The following ENOX2 variants were observed in gnomAD, a reference collection of about 807,000 sequenced individuals.
ENOX2 encodes the protein APK1 antigen.
In ENOX2, 36 loss-of-function variants were observed where a neutral mutation model predicts 45.0. The ratio of observed to expected loss-of-function variants is 0.80; its 90% CI spans 0.61 to 1.06. The LOEUF is 1.06. ENOX2 is among the 50% of genes least tolerant of loss of function. The pLI is 0.00. For synonymous variants in ENOX2, 174 were observed against 152.3 expected (o/e 1.14, Z -1.05); for missense variants, 423 against 462.5 (o/e 0.91, Z 0.78).
intron 3 of ENOX2, among the ~76,000 whole-genome samples, chrX:130,768,813 G>A (rs970012760): frequency 8.9e-6 from 1 of 111,854 alleles, no homozygotes; most frequent in Non-Finnish European, 1.9e-5. Flanking sequence ...TGTGTGTTGT[G>A]GGGAGGGCAG....
chrX:130,667,479 C>G (rs1182776814), intron 8 of ENOX2, 51 bp downstream of exon 8: 1 of 1,108,499 alleles, frequency 9.0e-7, no homozygotes, highest in Non-Finnish European at 1.2e-6. Context: ...GAGCAAGTGA[C>G]TAAGTGAAGT....
At chrX:130,717,552 C>T (rs2038360520) in intron 3 of ENOX2, among the ~76,000 whole-genome samples, 1 of 112,274 alleles carries the variant, frequency 8.9e-6, no homozygotes, top group African/African-American at 3.2e-5. Flanking sequence ...GAGACACTGT[C>T]AGAGCCAACT....
intron 10 of ENOX2, 58 bp from the exon 11 acceptor site, chrX:130,637,468 G>T: frequency 9.6e-7 from 1 of 1,043,440 alleles, no homozygotes; most frequent in Non-Finnish European, 1.3e-6. Context: ...GATTCATCTG[G>T]ATATCACAAA....
At chrX:130,679,471 GAC>G in intron 6 of ENOX2, 69 bp downstream of exon 6, 1 of 919,296 alleles carries the variant, frequency 1.1e-6, no homozygotes, top group Non-Finnish European at 1.6e-6. Flanking sequence ...ATCTGCTATA[GAC>G]ACAAATAGTT....
At chrX:130,735,251 G>C (rs2038832588) in intron 3 of ENOX2, among the ~76,000 whole-genome samples, 1 of 112,201 alleles carries the variant, frequency 8.9e-6, no homozygotes, top group Admixed American at 9.4e-5. Context: ...GATCCTGTTA[G>C]AAGTGCTGTG....
chrX:130,790,699 T>C (rs984421570), intron 2 of ENOX2, among the ~76,000 whole-genome samples: 1 of 111,700 alleles, frequency 9.0e-6, no homozygotes, highest in African/African-American at 3.3e-5. Context: ...CACCTGCTTC[T>C]TAATTTTCAA....
intron 3 of ENOX2, among the ~76,000 whole-genome samples, chrX:130,746,136 T>C (rs773787295): frequency 8.9e-6 from 1 of 112,212 alleles, no homozygotes; most frequent in South Asian, 3.8e-4. Context: ...ACTGTGACAA[T>C]TCAAGCAACT....
intron 2 of ENOX2, among the ~76,000 whole-genome samples, chrX:130,836,857 A>G (rs1162584749): frequency 8.9e-6 from 1 of 112,047 alleles, no homozygotes; most frequent in Non-Finnish European, 1.9e-5. Flanking sequence ...TAAGCTATTT[A>G]GCTTTATCTG....
At chrX:130,778,179 C>T (rs779483097) in intron 3 of ENOX2, among the ~76,000 whole-genome samples, 5 of 111,682 alleles carry the variant, frequency 4.5e-5, no homozygotes, top group East Asian at 5.6e-4. Context: ...TTTCCTGGTT[C>T]GTAGCCCTCC....
intron 9 of ENOX2, among the ~76,000 whole-genome samples, chrX:130,660,043 A>C (rs1159749384): frequency 8.9e-6 from 1 of 112,249 alleles, no homozygotes. Flanking sequence ...TACTTCAGGA[A>C]TAAGAATCAC....
At chrX:130,634,341 T>C (rs1007781767) in intron 12 of ENOX2, among the ~76,000 whole-genome samples, 14 of 112,032 alleles carry the variant, frequency 1.2e-4, no homozygotes, top group Middle Eastern at 4.6e-3. Flanking sequence ...TTGAATAGAA[T>C]GGGCACCTGA....
At chrX:130,886,596 C>T (rs984828261) in intron 2 of ENOX2, among the ~76,000 whole-genome samples, 1 of 111,940 alleles carries the variant, frequency 8.9e-6, no homozygotes, top group Non-Finnish European at 1.9e-5. Flanking sequence ...GGATATTTTA[C>T]AATACAGATG....
intron 2 of ENOX2, among the ~76,000 whole-genome samples, chrX:130,830,776 T>A (rs1463595502): frequency 8.9e-6 from 1 of 111,923 alleles, no homozygotes; most frequent in Non-Finnish European, 1.9e-5. Flanking sequence ...CAAGTCACCA[T>A]GTTCTCTTAT....
rs902564744 is a variant in ENOX2 at position 130,843,477 on chromosome X, C to T, written c.-183+58207G>A. 2.7e-5 allele frequency among the ~76,000 whole-genome samples: 3 copies of T among 111,301 alleles called. No homozygotes were observed. The Admixed American group carries it at 2.9e-4, about 11-fold the overall frequency. On this transcript the variant is annotated intron_variant, in intron 2 of 14. Transcript: ENST00000394363. Reference sequence around the variant, plus strand: ...GTCACTCACTGACCTAAAAACTTTCCGGTGACTTCTTTATTGTTCATAGAC... The same window carrying T: ...GTCACTCACTGACCTAAAAACTTTCTGGTGACTTCTTTATTGTTCATAGAC...
intron 3 of ENOX2, among the ~76,000 whole-genome samples, chrX:130,770,332 C>T (rs1214659013): frequency 1.8e-5 from 2 of 111,552 alleles, no homozygotes; most frequent in African/African-American, 6.5e-5. Context: ...CTTTTGGGGG[C>T]AATGGGATAG....
intron 10 of ENOX2, among the ~76,000 whole-genome samples, chrX:130,640,625 C>T (rs2036055401): frequency 1.8e-5 from 2 of 112,179 alleles, no homozygotes; most frequent in Middle Eastern, 4.6e-3. Flanking sequence ...AGCTGGAAGT[C>T]ATTATCCTTA....
intron 10 of ENOX2, among the ~76,000 whole-genome samples, chrX:130,650,753 T>A (rs1389495858): frequency 8.9e-6 from 1 of 111,920 alleles, no homozygotes; most frequent in Non-Finnish European, 1.9e-5. Context: ...TGCCAGTTCA[T>A]CATGGCAATA....
At chrX:130,798,822 G>T (rs189719514) in intron 2 of ENOX2, among the ~76,000 whole-genome samples, 1 of 111,857 alleles carries the variant, frequency 8.9e-6, no homozygotes, top group Non-Finnish European at 1.9e-5. Flanking sequence ...ATACCAATAT[G>T]TGTACAATGT....
rs2077953797 is a variant in ENOX2, at chrX:130,837,899, T to C, written c.-182-54209A>G. ...ACTGCTACATTTACAACTGCTACTA[T>C]CACTACTAAGGATACCCTCTGGAGT... On this transcript the variant is annotated intron_variant, in intron 2 of 14. Transcript: ENST00000394363. Among the ~76,000 whole-genome samples, 4 of 112,058 alleles carry C rather than the reference T, an allele frequency of 3.6e-5. No homozygotes were observed. The South Asian group carries it at 1.1e-3, about 32-fold the overall frequency.
Sources: gnomAD v4.1 joint callset for allele counts (sites outside exome capture counted in the v4.1 genomes callset) on GRCh38, gnomAD v4.1.1 for gene constraint, MANE v1.5 for transcripts, NCBI Gene and HGNC (gene_info 2026-07-23, HGNC 2026-07-21) for gene names.